The following SASH1 variants were observed in gnomAD, a reference collection of about 807,000 sequenced individuals.
The protein encoded by SASH1 is SAM and SH3 domain-containing protein 1.
SASH1 carries 44 observed loss-of-function variants against 125.2 expected under a neutral mutation model. That is an observed-to-expected ratio of 0.35 (90% CI 0.28 to 0.45). The LOEUF (loss-of-function observed/expected upper bound fraction) is 0.45, where lower values mean the gene tolerates loss of function less well. SASH1 is among the 20% of genes least tolerant of loss of function. The pLI is 1.00. For synonymous variants in SASH1, 639 were observed against 649.1 expected (o/e 0.98, Z 0.24); for missense variants, 1,426 against 1,614.5 (o/e 0.88, Z 2.00).
intron 8 of SASH1, among the ~76,000 whole-genome samples, chr6:148,500,117 G>T (rs1018006582): frequency 6.6e-6 from 1 of 151,738 alleles, no homozygotes; most frequent in Non-Finnish European, 1.5e-5. Flanking sequence ...TTGTATAGTT[G>T]TCATGTCCTT....
chr6:148,513,780 GT>G (rs1203726208), intron 8 of SASH1: 11 of 985,808 alleles, frequency 1.1e-5, no homozygotes, highest in Non-Finnish European at 1.3e-5. Flanking sequence ...TGGCTGCAAT[GT>G]GGCAGACAGT....
chr6:148,549,812 TC>T lies in SASH1; in HGVS notation c.*1256del. ...TTACAACTGATTTCAGCACATTCTA[TC>T]CTTTTTTTTTTTTGAAATGGAGTTT... On this transcript the variant is annotated 3_prime_UTR_variant, in exon 20 of 20. Transcript: ENST00000367467. The T allele has an allele frequency of 2.7e-6, 1 of 370,368 alleles. No homozygotes were observed. The highest frequency in any genetic ancestry group is 4.8e-6 in the Non-Finnish European group (1 of 208,630). The allele number at this position is 370,368 out of a possible 1,614,324, so 22.9% of individuals were successfully genotyped here. A position where few individuals can be genotyped will look rare whatever the true frequency, so the allele number is the denominator to read the frequency against.
chr6:148,299,741 C>A (rs766543513), intron 1 of SASH1, among the ~76,000 whole-genome samples: 9 of 150,658 alleles, frequency 6.0e-5, no homozygotes, highest in Non-Finnish European at 7.4e-5. Flanking sequence ...ACATAAGAAG[C>A]CTTTAAGTAT....
intron 1 of SASH1, among the ~76,000 whole-genome samples, chr6:148,362,112 A>C (rs1484123409): frequency 6.6e-6 from 1 of 151,224 alleles, no homozygotes; most frequent in Non-Finnish European, 1.5e-5. Flanking sequence ...TATTTTTAGT[A>C]GAGACGGGGT....
chr6:148,407,746 T>A (rs1386912270), intron 2 of SASH1, among the ~76,000 whole-genome samples: 3 of 152,122 alleles, frequency 2.0e-5, no homozygotes, highest in Non-Finnish European at 4.4e-5. Flanking sequence ...AATTCTCTTG[T>A]CTCAGCCTCC....
At chr6:148,449,074 A>ATTTTTTTTTTTTTTTTTTTTTT (rs1562419990) in intron 4 of SASH1, among the ~76,000 whole-genome samples, 1 of 32,744 alleles carries the variant, frequency 3.1e-5, no homozygotes, top group Non-Finnish European at 6.4e-5. Flanking sequence ...ATTTCATTTC[A>ATTTTTTTTTTTTTTTTTTTTTT]TTTCTTTTTT....
At chr6:148,546,532 GAC>G (rs1437415755) in intron 19 of SASH1, among the ~76,000 whole-genome samples, 1 of 152,122 alleles carries the variant, frequency 6.6e-6, no homozygotes, top group Non-Finnish European at 1.5e-5. Context: ...CCGTCTGAAT[GAC>G]ACAGTTTCAG....
At chr6:148,445,750 T>C (rs1176138947) in intron 4 of SASH1, among the ~76,000 whole-genome samples, 2 of 152,220 alleles carry the variant, frequency 1.3e-5, no homozygotes, top group African/African-American at 4.8e-5. Flanking sequence ...CTAAACCTTG[T>C]GCTTTGCAGA....
In SASH1 at chr6:148,488,879, T is replaced by A. The variant is rs534687222; in HGVS notation, c.729+1164T>A. On this transcript the variant is annotated intron_variant, in intron 8 of 19. Transcript: ENST00000367467. ...TTCTATTTTCTGGATATTAATCCCT[T>A]ATCAGATATGTGATTTGTAAATATT... Among the ~76,000 whole-genome samples the A allele has an allele frequency of 5.9e-5, 9 of 152,362 alleles. No individual in the cohort carries two copies. The South Asian group carries it at 1.9e-3, about 32-fold the overall frequency.
intron 4 of SASH1, among the ~76,000 whole-genome samples, chr6:148,446,290 A>G (rs1011187690): frequency 3.3e-5 from 5 of 151,674 alleles, no homozygotes; most frequent in Non-Finnish European, 5.9e-5. Context: ...TTGTATTTTT[A>G]GTAGAGACGG....
chr6:148,299,929 G>A (rs1779895092), intron 1 of SASH1, among the ~76,000 whole-genome samples: 1 of 152,154 alleles, frequency 6.6e-6, no homozygotes, highest in African/African-American at 2.4e-5. Flanking sequence ...AGTAGATAAT[G>A]TTGTCAAGAT....
chr6:148,293,993 A>C (rs1018663074), intron 1 of SASH1, among the ~76,000 whole-genome samples: 4 of 152,212 alleles, frequency 2.6e-5, no homozygotes, highest in Non-Finnish European at 5.9e-5. Flanking sequence ...TGTTTCATGA[A>C]AAAGCCTGTG....
intron 16 of SASH1, among the ~76,000 whole-genome samples, chr6:148,538,423 G>A (rs1782005879): frequency 6.6e-6 from 1 of 152,174 alleles, no homozygotes; most frequent in Non-Finnish European, 1.5e-5. Context: ...TAAATAACAT[G>A]CTAGGCCAGA....
At chr6:148,446,399 T>C (rs971257153) in intron 4 of SASH1, among the ~76,000 whole-genome samples, 23 of 152,132 alleles carry the variant, frequency 1.5e-4, no homozygotes, top group African/African-American at 4.6e-4. Context: ...TGAGCCACCG[T>C]GCCTGGCCAG....
At chr6:148,402,074 G>A (rs928786958) in intron 2 of SASH1, among the ~76,000 whole-genome samples, 6 of 151,574 alleles carry the variant, frequency 4.0e-5, no homozygotes, top group African/African-American at 1.5e-4. Flanking sequence ...TCAACTTAAG[G>A]AAAGTTTTAC....
chr6:148,241,056 T>C, the SASH1 span, among the ~76,000 whole-genome samples: 1 of 152,096 alleles, frequency 6.6e-6, no homozygotes, highest in South Asian at 2.1e-4. Context: ...TTTGGCAAGC[T>C]CTGAAAAATC....
At chr6:148,302,820 GTATATATATA>G (rs71031062) in intron 1 of SASH1, among the ~76,000 whole-genome samples, 13 of 143,926 alleles carry the variant, frequency 9.0e-5, no homozygotes, top group African/African-American at 1.5e-4. Flanking sequence ...GACCTCAGGA[GTATATATATA>G]TATATATATA....
chr6:148,340,861 C>T (rs1260710982), upstream of SASH1, among the ~76,000 whole-genome samples: 1 of 152,134 alleles, frequency 6.6e-6, no homozygotes, highest in South Asian at 2.1e-4. Flanking sequence ...AGAGACTGTG[C>T]GCAGTGGCTC....
chr6:148,201,717 G>A, the SASH1 span, among the ~76,000 whole-genome samples: 11 of 152,158 alleles, frequency 7.2e-5, no homozygotes, highest in African/African-American at 1.4e-4. Context: ...GAGGGTGTTC[G>A]TGATACCAAG....
Sources: gnomAD v4.1 joint callset for allele counts (sites outside exome capture counted in the v4.1 genomes callset) on GRCh38, gnomAD v4.1.1 for gene constraint, MANE v1.5 for transcripts, NCBI Gene and HGNC (gene_info 2026-07-23, HGNC 2026-07-21) for gene names.